DYRK3: variants seen among roughly 807,000 people sequenced by gnomAD.
DYRK3 encodes dual specificity tyrosine-phosphorylation-regulated kinase 3.
DYRK3 carries 30 observed loss-of-function variants against 40.8 expected under a neutral mutation model. That is an observed-to-expected ratio of 0.74 (90% CI 0.55 to 1.00). DYRK3 has a LOEUF of 1.00. Among genes scored for constraint, DYRK3 ranks in the 50% least tolerant of loss-of-function variants. The pLI, the probability that DYRK3 is intolerant of heterozygous loss-of-function variation, is 0.00. For synonymous variants in DYRK3, 272 were observed against 260.7 expected, an observed-to-expected ratio of 1.04 and a Z score of -0.42; for missense variants, 699 against 731.5, an observed-to-expected ratio of 0.96 and a Z score of 0.51.
At chr1:206,642,358 G>C (rs1363369686) in intron 2 of DYRK3, among the ~76,000 whole-genome samples, 10 of 151,768 alleles carry the variant, frequency 6.6e-5, no homozygotes, top group South Asian at 2.1e-4. Flanking sequence ...AACCATTGTG[G>C]AAGACAATGT....
At position 206,650,068 on chromosome 1, in the gene DYRK3, C is replaced by G. The variant is rs1671592632; in HGVS notation, c.*1103C>G. On this transcript the variant is annotated 3_prime_UTR_variant, in exon 3 of 3. Coordinates refer to ENST00000367109, the MANE Select transcript of DYRK3 (RefSeq NM_003582.4). ...TTTTTATGTTTCTTAATTTTATTCT[C>G]TTCAACAGCTTTTCTTTTTCTCTGC... Among the ~76,000 whole-genome samples the G allele has an allele frequency of 6.6e-6, 1 of 152,194 alleles. No homozygotes were observed. Among genetic ancestry groups the G allele is most frequent in the African/African-American group, 2.4e-5 (1 of 41,440 alleles).
rs1553420894 is a variant in DYRK3 at position 206,648,861 on chromosome 1, C to T, written c.1663C>T (p.Leu555=). 6.2e-7 allele frequency: 1 copy of T among 1,614,198 alleles called. No individual in the cohort carries two copies. The highest frequency in any genetic ancestry group is 8.5e-7 in the Non-Finnish European group (1 of 1,180,044). ...TGCTTTCCAGGGATTGGGTTCTAAG[C>T]TGCCTCCAGTTGTTGGAATAGCCAA... ...ASAFQGLGSK[L]PPVVGIANKL... Residue 555 remains leucine (L), a synonymous_variant, in exon 3 of 3, where the codon CTG becomes TTG. Transcript: ENST00000367109.
chr1:206,635,954 C>T, intron 1 of DYRK3, 174 bp downstream of exon 1: 9 of 1,322,598 alleles, frequency 6.8e-6, no homozygotes, highest in Non-Finnish European at 8.7e-6. Flanking sequence ...GGGCCCCCTC[C>T]CCCCATCCCT....
chr1:206,649,759 C>T lies in DYRK3; in HGVS notation c.*794C>T, dbSNP rs1277071431. 6.6e-6 allele frequency among the ~76,000 whole-genome samples: 1 copy of T among 152,200 alleles called. No homozygotes were observed. The highest frequency in any genetic ancestry group is 1.5e-5 in the Non-Finnish European group (1 of 68,022). ...ACCCAGAGTGGTAAAGATAGAGAAT[C>T]AGCATGAAAACTGCAGTTCCCCAGC... On this transcript the variant is annotated 3_prime_UTR_variant, in exon 3 of 3. Transcript: ENST00000367109.
rs782152819 is a variant in DYRK3 at position 206,638,874 on chromosome 1, C to CT, written c.189+1133dup. ...TTTTTGCTTAAAATCAACCTTTTTC[C>CT]TTTTTTTTTTTTTTTTTTTTCCTGA... On this transcript the variant is annotated intron_variant, in intron 2 of 2. Coordinates refer to ENST00000367109, the MANE Select transcript of DYRK3 (RefSeq NM_003582.4). Among the ~76,000 whole-genome samples the CT allele has an allele frequency of 9.0e-3, 1,177 of 130,562 alleles. 16 individuals carry two copies. The highest frequency in any genetic ancestry group is 0.02 in the African/African-American group (701 of 34,894). The allele number at this position is 130,562 out of a possible 152,430, so 85.7% of individuals were successfully genotyped here.
intron 2 of DYRK3, among the ~76,000 whole-genome samples, chr1:206,640,577 G>A (rs1277912088): frequency 2.2e-5 from 3 of 135,230 alleles, no homozygotes; most frequent in Non-Finnish European, 4.6e-5. Context: ...TTAAGACAGA[G>A]TCTCGCTCTG....
chr1:206,649,039 C>G lies in DYRK3; in HGVS notation c.*74C>G, dbSNP rs200436281. 1.3e-5 allele frequency: 18 copies of G among 1,438,272 alleles called. No homozygotes were observed. Among genetic ancestry groups the G allele is most frequent in the Non-Finnish European group, 1.7e-5 (18 of 1,080,014 alleles). 89.1% of individuals were successfully genotyped at this position (1,438,272 alleles called of 1,614,324 possible). ...TACAAACCTGCAAATGGAAAAAATG[C>G]AAGCCCATTGGTGGATGTTTTTGTT... On this transcript the variant is annotated 3_prime_UTR_variant, in exon 3 of 3. Transcript: ENST00000367109.
At chr1:206,637,461 C>G (rs1417599808) in intron 1 of DYRK3, among the ~76,000 whole-genome samples, 189 bp from the exon 2 acceptor site, 1 of 152,184 alleles carries the variant, frequency 6.6e-6, no homozygotes, top group Admixed American at 6.5e-5. Flanking sequence ...AAATGCTGTC[C>G]TTGAAAAACA....
Position 206,650,795 on chromosome 1 carries a change from A to G in DYRK3, c.*1830A>G, listed in dbSNP as rs1447718430. 1.3e-5 allele frequency among the ~76,000 whole-genome samples: 2 copies of G among 152,184 alleles called. No individual in the cohort carries two copies. The highest frequency in any genetic ancestry group is 2.4e-5 in the African/African-American group (1 of 41,448). ...TGTAGCATAGGCTGTGAAAAATGAG[A>G]GAGTGCAAATCTCTCTCATTTAAAT... On this transcript the variant is annotated 3_prime_UTR_variant, in exon 3 of 3. Coordinates refer to ENST00000367109, the MANE Select transcript of DYRK3 (RefSeq NM_003582.4).
Position 206,655,107 on chromosome 1 carries a change from G to GT in DYRK3, c.*6148dup, listed in dbSNP as rs1398029174. ...GCAGTTTGGCATGGATGAGTCAGTG[G>GT]TTTTTTATTTTGGGGTGTTTTTTAA... On this transcript the variant is annotated 3_prime_UTR_variant, in exon 3 of 3. Coordinates refer to ENST00000367109, the MANE Select transcript of DYRK3 (RefSeq NM_003582.4). 6.6e-5 allele frequency among the ~76,000 whole-genome samples: 10 copies of GT among 152,294 alleles called. No homozygotes were observed. The highest frequency in any genetic ancestry group is 1.2e-4 in the African/African-American group (5 of 41,536).
chr1:206,640,794 C>G (rs1329289864), intron 2 of DYRK3, among the ~76,000 whole-genome samples: 3 of 152,150 alleles, frequency 2.0e-5, no homozygotes, highest in Non-Finnish European at 4.4e-5. Context: ...TCGTGATCCG[C>G]CCGCCTTGGC....
intron 1 of DYRK3, chr1:206,637,004 T>C (rs782537338): frequency 2.0e-6 from 3 of 1,494,924 alleles, no homozygotes; most frequent in Non-Finnish European, 2.8e-6. Context: ...AGAGCATCCT[T>C]TTAGCGTTTG....
intron 2 of DYRK3, among the ~76,000 whole-genome samples, chr1:206,645,187 T>G (rs945414760): frequency 1.3e-5 from 2 of 152,216 alleles, no homozygotes; most frequent in Non-Finnish European, 2.9e-5. Context: ...TTATTTTTGG[T>G]AATTTATAAA....
At position 206,653,760 on chromosome 1, in the gene DYRK3, A is replaced by G. The variant is rs1312039134; in HGVS notation, c.*4795A>G. Among the ~76,000 whole-genome samples, 2 of 152,234 alleles carry G rather than the reference A, an allele frequency of 1.3e-5. No homozygotes were observed. Among genetic ancestry groups the G allele is most frequent in the African/African-American group, 4.8e-5 (2 of 41,464 alleles). On this transcript the variant is annotated 3_prime_UTR_variant, in exon 3 of 3. Transcript: ENST00000367109. ...TGTAAGGATTCTGCTTCTGCCCCAC[A>G]GGGGCTCTGAAAGAGTCTAGCCTGG... is the stretch of plus-strand genomic sequence containing the variant.
Position 206,647,696 on chromosome 1 carries a change from A to C in DYRK3, c.498A>C (p.Pro166=), listed in dbSNP as rs781918481. ...AGAAACTGGAAATAATTAATTATCC[A>C]GAAATTTACTTTGTAGGTCCAAATG... The part of the protein sequence containing the change: ...AYEKLEIINY[P]EIYFVGPNAK... The change falls in exon 3 of 3, where the codon CCA becomes CCC. Residue 166 remains proline, a synonymous_variant. Coordinates refer to ENST00000367109, the MANE Select transcript of DYRK3 (RefSeq NM_003582.4). 7 of 1,614,116 alleles carry C rather than the reference A, an allele frequency of 4.3e-6. No individual in the cohort carries two copies. In the Admixed American group the frequency reaches 8.3e-5, roughly 19 times the overall value.
At chr1:206,645,493 A>G (rs1671425990) in intron 2 of DYRK3, among the ~76,000 whole-genome samples, 1 of 151,924 alleles carries the variant, frequency 6.6e-6, no homozygotes, top group African/African-American at 2.4e-5. Context: ...GCCCCTTCTT[A>G]GTATTTTTCA....
In DYRK3 at chr1:206,637,657, G is replaced by T; in HGVS notation, c.85G>T (p.Asp29Tyr). ...TGTAATCCTTTTAACTAGGTTGGGGGATGGTGTCTATGACACCTTCATGAT... is the reference window on the plus strand; with the variant it reads ...TGTAATCCTTTTAACTAGGTTGGGGTATGGTGTCTATGACACCTTCATGAT... ...GLPPQQRRLG[D>Y]GVYDTFMMID... Residue 29 changes from aspartate (D) to tyrosine (Y), a missense_variant, in exon 2 of 3, where the codon GAT becomes TAT. Asp to Tyr is a radical substitution (Grantham distance 160). Transcript: ENST00000367109. The T allele has an allele frequency of 1.9e-6, 3 of 1,612,360 alleles. No individual in the cohort carries two copies. Among genetic ancestry groups the T allele is most frequent in the Non-Finnish European group, 2.5e-6 (3 of 1,178,738 alleles).
In DYRK3 at chr1:206,647,378, T is replaced by C. The variant is rs1553420258; in HGVS notation, c.190-10T>C. ...TTTTTAATGACTTATATTCATTTTC[T>C]CTTTCATAGATGACCACTGAGCAGT... On this transcript the variant is annotated splice_polypyrimidine_tract_variant and intron_variant, in intron 2 of 2. Transcript: ENST00000367109. The C allele has an allele frequency of 6.4e-7, 1 of 1,568,318 alleles. No individual in the cohort carries two copies. The highest frequency in any genetic ancestry group is 1.4e-5 in the African/African-American group (1 of 73,034).
rs1671672434 is a variant in DYRK3, at chr1:206,653,056, C to T, written c.*4091C>T. ...TTTCTTTTTGAGACAGAGTCTCGCT[C>T]TGTCGTCCAGGCTGGAGTGAAGTGG... On this transcript the variant is annotated 3_prime_UTR_variant, in exon 3 of 3. Transcript: ENST00000367109. Among the ~76,000 whole-genome samples the T allele has an allele frequency of 6.6e-6, 1 of 152,128 alleles. No individual in the cohort carries two copies. The highest frequency in any genetic ancestry group is 2.4e-5 in the African/African-American group (1 of 41,426).
Sources: allele counts gnomAD v4.1 joint callset (sites outside exome capture counted in the v4.1 genomes callset), GRCh38; gene constraint gnomAD v4.1.1; transcripts MANE v1.5; gene names NCBI Gene and HGNC (gene_info 2026-07-23, HGNC 2026-07-21).